Variants in EFNB2 observed in about 807,000 individuals in gnomAD.
The protein encoded by EFNB2 is ephrin B2.
EFNB2 carries 5 observed loss-of-function variants against 32.1 expected under a neutral mutation model. The observed-to-expected ratio is 0.16, with a 90% CI of 0.08 to 0.33. The LOEUF (loss-of-function observed/expected upper bound fraction) is 0.33, where lower values mean the gene tolerates loss of function less well. Among genes scored for constraint, EFNB2 ranks in the 10% least tolerant of loss-of-function variants. The probability of loss-of-function intolerance (pLI) is 1.00; values close to 1 mark genes in which losing one functional copy is unlikely to be tolerated. For synonymous variants in EFNB2, 168 were observed against 166.5 expected (o/e 1.01, Z -0.07); for missense variants, 263 against 422.6 (o/e 0.62, Z 3.31).
chr13:106,533,235 G>C (rs1420776214), intron 1 of EFNB2, among the ~76,000 whole-genome samples: 1 of 151,052 alleles, frequency 6.6e-6, no homozygotes, highest in African/African-American at 2.4e-5. Flanking sequence ...GGCACCGGGC[G>C]GGCAGCGGCG....
In EFNB2 at chr13:106,492,554, C is replaced by A. The variant is rs1878442467; in HGVS notation, c.*486G>T. On this transcript the variant is annotated 3_prime_UTR_variant, in exon 5 of 5. Transcript: ENST00000646441. The surrounding 1 kb of genome is among the most constrained non-coding windows in gnomAD (Gnocchi z 5.1). The stretch of plus-strand genomic sequence containing the variant: ...AACAGAACGAGTGAGACAGTAAGGA[C>A]TAAACTCTAGAGATCTTTGCACACC... 6.3e-6 allele frequency: 1 copy of A among 159,320 alleles called. No homozygotes were observed. The highest frequency in any genetic ancestry group is 1.4e-5 in the Non-Finnish European group (1 of 71,676). The allele number at this position is 159,320 out of a possible 1,614,324, so 9.9% of individuals were successfully genotyped here. A position where few individuals can be genotyped will look rare whatever the true frequency, so the allele number is the denominator to read the frequency against.
In EFNB2 at chr13:106,493,538, A is replaced by T; in HGVS notation, c.614-110T>A. The T allele has an allele frequency of 7.1e-7, 1 of 1,417,992 alleles. No individual in the cohort carries two copies. The highest frequency in any genetic ancestry group is 9.4e-7 in the Non-Finnish European group (1 of 1,064,806). 87.8% of individuals were successfully genotyped at this position (1,417,992 alleles called of 1,614,324 possible). A position where few individuals can be genotyped will look rare whatever the true frequency, so the allele number is the denominator to read the frequency against. ...GAAAAATAAGCCAGGCTTATTACTAACTAGAAGCTGGACTTTGCCTCGCCA... is the reference window on the plus strand; with the variant it reads ...GAAAAATAAGCCAGGCTTATTACTATCTAGAAGCTGGACTTTGCCTCGCCA... On this transcript the variant is annotated intron_variant, in intron 4 of 4. Coordinates refer to ENST00000646441, the MANE Select transcript of EFNB2 (RefSeq NM_004093.4). This position sits in a 1 kb window ranked among gnomAD's most constrained non-coding sequence, Gnocchi z 6.1.
rs759361194 is a variant in EFNB2 at position 106,493,154 on chromosome 13, C to T, written c.888G>A (p.Ala296=). 1.5e-5 allele frequency: 24 copies of T among 1,614,116 alleles called. No individual in the cohort carries two copies. The highest frequency in any genetic ancestry group is 9.9e-5 in the South Asian group (9 of 91,082). The change falls in exon 5 of 5, where the codon GCG becomes GCA. Residue 296 remains alanine (A), a synonymous_variant. Transcript: ENST00000646441. The surrounding 1 kb of genome is among the most constrained non-coding windows in gnomAD (Gnocchi z 6.1). ...CGTAGTGAGGGCAGAAGACGCTGTC[C>T]GCAGTCCTTAGCGGGATGATAATGT... ...PSDIIIPLRT[A]DSVFCPHYEK... is the part of the protein sequence containing the mutation.
intron 1 of EFNB2, among the ~76,000 whole-genome samples, chr13:106,529,917 C>G (rs1249500812): frequency 6.6e-6 from 1 of 152,210 alleles, no homozygotes; most frequent in Non-Finnish European, 1.5e-5. Flanking sequence ...TTAACTATGA[C>G]CAGGGTTGAT....
chr13:106,494,951 TCTTGTTGGATCTTTATTC>T lies in EFNB2; in HGVS notation c.525_542del (p.Asn176_Arg181del), dbSNP rs945929154. The stretch of plus-strand genomic sequence containing the variant: ...TTGTACCAGCTTCTAGTTCTGGACG[TCTTGTTGGATCTTTATTC>T]CTGGTTGATCCAGCAGAACTTGCAT... On this transcript the variant is annotated inframe_deletion, in exon 4 of 5. Transcript: ENST00000646441. The T allele has an allele frequency of 6.2e-7, 1 of 1,614,204 alleles. No individual in the cohort carries two copies. Among genetic ancestry groups the T allele is most frequent in the Non-Finnish European group, 8.5e-7 (1 of 1,180,022 alleles).
rs1878345075 is a variant in EFNB2, at chr13:106,489,981, AT to A, written c.*3058del. The A allele has an allele frequency of 6.6e-6, 1 of 152,642 alleles. No homozygotes were observed. Among genetic ancestry groups the A allele is most frequent in the Admixed American group, 6.5e-5 (1 of 15,270 alleles). The allele number at this position is 152,642 out of a possible 1,614,324, so 9.5% of individuals were successfully genotyped here. ...ACAACGAAATTTTAAATAAATATTCATGGTACATAATTACGGCACAAATATG... is the reference window on the plus strand; with the variant it reads ...ACAACGAAATTTTAAATAAATATTCAGGTACATAATTACGGCACAAATATG... On this transcript the variant is annotated 3_prime_UTR_variant, in exon 5 of 5. Coordinates refer to ENST00000646441, the MANE Select transcript of EFNB2 (RefSeq NM_004093.4).
rs543862831 is a variant in EFNB2 at position 106,504,394 on chromosome 13, C to T, written c.406+8135G>A. Among the ~76,000 whole-genome samples the T allele has an allele frequency of 2.6e-5, 4 of 152,292 alleles. No homozygotes were observed. In the South Asian group the frequency reaches 6.2e-4, roughly 24 times the overall value. On this transcript the variant is annotated intron_variant, in intron 2 of 4. Coordinates refer to ENST00000646441, the MANE Select transcript of EFNB2 (RefSeq NM_004093.4). The stretch of plus-strand genomic sequence containing the variant: ...TAACAACACTGCAGAGGAGAAAATG[C>T]GTCACTCTCATGGACACACACAGCT...
intron 1 of EFNB2, among the ~76,000 whole-genome samples, chr13:106,525,094 G>T (rs1043868328): frequency 2.6e-5 from 4 of 152,098 alleles, no homozygotes; most frequent in Non-Finnish European, 5.9e-5. Context: ...TTGATTGATT[G>T]GTTCATTGTG....
chr13:106,534,966 G>A lies in EFNB2; in HGVS notation c.-2C>T, dbSNP rs1880018842. On this transcript the variant is annotated 5_prime_UTR_variant, in exon 1 of 5. Coordinates refer to ENST00000646441, the MANE Select transcript of EFNB2 (RefSeq NM_004093.4). ...CACGGAGTCCCTTCTCACAGCCATG[G>A]CGAAGCCACTCCCAGCTCCGCGCAC... The A allele has an allele frequency of 3.1e-6, 5 of 1,612,944 alleles. No individual in the cohort carries two copies. In the East Asian group the frequency reaches 6.7e-5, roughly 22 times the overall value.
intron 2 of EFNB2, among the ~76,000 whole-genome samples, chr13:106,507,770 T>C (rs1258524392): frequency 2.0e-5 from 3 of 152,206 alleles, no homozygotes; most frequent in African/African-American, 7.2e-5. Context: ...GAGGATGCCA[T>C]GAACAACACA....
At position 106,495,916 on chromosome 13, in the gene EFNB2, A is replaced by G. The variant is rs1320345887; in HGVS notation, c.407-76T>C. On this transcript the variant is annotated intron_variant, in intron 2 of 4. Coordinates refer to ENST00000646441, the MANE Select transcript of EFNB2 (RefSeq NM_004093.4). Reference sequence around the variant, plus strand: ...ATCAATAAGCCAAGTTTACATGAACATGAAATGTCTGAAAACAATTTGAAA... The same window carrying G: ...ATCAATAAGCCAAGTTTACATGAACGTGAAATGTCTGAAAACAATTTGAAA... 37 of 1,358,438 alleles carry G rather than the reference A, an allele frequency of 2.7e-5. No homozygotes were observed. The Middle Eastern group carries it at 5.6e-4, about 21-fold the overall frequency. The allele number at this position is 1,358,438 out of a possible 1,614,324, so 84.1% of individuals were successfully genotyped here. A position where few individuals can be genotyped will look rare whatever the true frequency, so the allele number is the denominator to read the frequency against.
intron 2 of EFNB2, among the ~76,000 whole-genome samples, chr13:106,503,755 C>T (rs1878859849): frequency 2.0e-5 from 3 of 151,464 alleles, no homozygotes; most frequent in Admixed American, 2.0e-4. Context: ...CAATAAAACC[C>T]CATGTCTTGA....
intron 2 of EFNB2, among the ~76,000 whole-genome samples, chr13:106,510,741 C>T (rs1341685404): frequency 1.3e-5 from 2 of 152,164 alleles, no homozygotes; most frequent in Admixed American, 6.5e-5. Context: ...AGGCCAGGCG[C>T]GGTGGCTCAC....
At chr13:106,520,588 C>G (rs563717111) in intron 1 of EFNB2, 2 of 152,200 alleles carry the variant, frequency 1.3e-5, no homozygotes, top group Non-Finnish European at 2.9e-5. Context: ...TGATGGCACA[C>G]TTCATAAACA....
chr13:106,533,337 C>T (rs1200353889), intron 1 of EFNB2, among the ~76,000 whole-genome samples: 3 of 152,108 alleles, frequency 2.0e-5, no homozygotes, highest in Admixed American at 6.5e-5. Context: ...CGGCTCCTTC[C>T]GGCACCACCT....
At chr13:106,511,524 T>A (rs1879141854) in intron 2 of EFNB2, among the ~76,000 whole-genome samples, 1 of 152,120 alleles carries the variant, frequency 6.6e-6, no homozygotes, top group South Asian at 2.1e-4. Context: ...TAGGTTGAGA[T>A]GCAAGAGTTT....
chr13:106,514,182 G>A (rs1256184186), intron 1 of EFNB2, among the ~76,000 whole-genome samples: 1 of 151,826 alleles, frequency 6.6e-6, no homozygotes, highest in Non-Finnish European at 1.5e-5. Flanking sequence ...TTTTAACTGA[G>A]CTCCTTTAGC....
intron 2 of EFNB2, among the ~76,000 whole-genome samples, chr13:106,500,340 G>C (rs1878733059): frequency 1.3e-5 from 2 of 152,186 alleles, no homozygotes; most frequent in African/African-American, 2.4e-5. Flanking sequence ...CACTGGCACA[G>C]AGATGTGAAA....
chr13:106,521,722 T>C (rs1056125875), intron 1 of EFNB2: 2 of 152,174 alleles, frequency 1.3e-5, no homozygotes, highest in Admixed American at 6.5e-5. Context: ...GTCAATTTTA[T>C]TTTAAAGTGC....
Sources: gnomAD v4.1 joint callset for allele counts (sites outside exome capture counted in the v4.1 genomes callset) on GRCh38, gnomAD v4.1.1 for gene constraint, Gnocchi (gnomAD v3.1) non-coding constraint, MANE v1.5 for transcripts, NCBI Gene and HGNC (gene_info 2026-07-23, HGNC 2026-07-21) for gene names.